The following DOK6 variants were observed in gnomAD, a reference collection of about 807,000 sequenced individuals.
DOK6 encodes the protein downstream of tyrosine kinase 6.
In DOK6, 22 loss-of-function variants were observed where a neutral mutation model predicts 44.0. The ratio of observed to expected loss-of-function variants is 0.50; its 90% CI spans 0.36 to 0.71. The LOEUF (loss-of-function observed/expected upper bound fraction) is 0.71. DOK6 is among the 30% of genes least tolerant of loss of function. The probability of loss-of-function intolerance (pLI) is 0.00; values close to 1 mark genes in which losing one functional copy is unlikely to be tolerated. For missense variants in DOK6, 340 were observed against 416.4 expected, an observed-to-expected ratio of 0.82 and a Z score of 1.60; for synonymous variants, 166 against 145.5, an observed-to-expected ratio of 1.14 and a Z score of -1.01.
At chr18:69,557,247 T>C (rs754599730) in intron 1 of DOK6, among the ~76,000 whole-genome samples, 4 of 152,222 alleles carry the variant, frequency 2.6e-5, no homozygotes, top group Non-Finnish European at 5.9e-5. Flanking sequence ...CTGAAAATTC[T>C]TCCGAGTTTC....
intron 2 of DOK6, among the ~76,000 whole-genome samples, chr18:69,572,609 G>C (rs904453721): frequency 6.6e-6 from 1 of 151,916 alleles, no homozygotes; most frequent in Non-Finnish European, 1.5e-5. Context: ...AGAAAAAGAA[G>C]ATAATTAGCA....
intron 3 of DOK6, among the ~76,000 whole-genome samples, chr18:69,671,849 A>T (rs1403000426): frequency 6.6e-6 from 1 of 152,214 alleles, no homozygotes; most frequent in Admixed American, 6.5e-5. Flanking sequence ...ATTCATTTCC[A>T]TATCCAGGTG....
intron 4 of DOK6, among the ~76,000 whole-genome samples, chr18:69,692,719 C>G (rs749722589): frequency 2.0e-5 from 3 of 152,138 alleles, no homozygotes; most frequent in Non-Finnish European, 4.4e-5. Flanking sequence ...GCCTGTGACT[C>G]TAGTTATGTA....
At chr18:69,568,349 T>C (rs529213613) in intron 2 of DOK6, among the ~76,000 whole-genome samples, 1 of 152,204 alleles carries the variant, frequency 6.6e-6, no homozygotes, top group South Asian at 2.1e-4. Context: ...TCATGCAGGA[T>C]GTTTACCTCG....
chr18:69,429,647 A>C (rs1317302128), intron 1 of DOK6, among the ~76,000 whole-genome samples: 1 of 103,972 alleles, frequency 9.6e-6, no homozygotes, highest in Middle Eastern at 4.8e-3. Context: ...ATATATATAT[A>C]TATATATATA....
At chr18:69,837,285 G>T (rs1283293291) in intron 7 of DOK6, among the ~76,000 whole-genome samples, 2 of 152,142 alleles carry the variant, frequency 1.3e-5, no homozygotes, top group African/African-American at 4.8e-5. Flanking sequence ...TTATCCTGTG[G>T]TGGAAGGCTG....
At chr18:69,714,733 A>G (rs1358178438) in intron 5 of DOK6, among the ~76,000 whole-genome samples, 1 of 152,242 alleles carries the variant, frequency 6.6e-6, no homozygotes, top group Non-Finnish European at 1.5e-5. Flanking sequence ...GAAATTTTGC[A>G]AGGCAATTCA....
intron 2 of DOK6, among the ~76,000 whole-genome samples, chr18:69,576,539 A>G (rs1983243100): frequency 6.6e-6 from 1 of 152,146 alleles, no homozygotes; most frequent in African/African-American, 2.4e-5. Flanking sequence ...TGGAACATAC[A>G]TATTATAAGC....
intron 7 of DOK6, among the ~76,000 whole-genome samples, chr18:69,795,967 C>T (rs1232025590): frequency 6.6e-6 from 1 of 152,170 alleles, no homozygotes; most frequent in Non-Finnish European, 1.5e-5. Context: ...CATCCTGTAA[C>T]AGAGGGCCTG....
At chr18:69,829,447 A>T (rs896752041) in intron 7 of DOK6, among the ~76,000 whole-genome samples, 2 of 152,208 alleles carry the variant, frequency 1.3e-5, no homozygotes, top group African/African-American at 4.8e-5. Context: ...ACAGCTGAGG[A>T]ACTTGAGGGA....
At chr18:69,745,628 AG>A (rs35079116) in intron 6 of DOK6, among the ~76,000 whole-genome samples, 14,900 of 152,240 alleles carry the variant, frequency 0.098, 741 homozygotes, top group Middle Eastern at 0.15. Context: ...GAAACACAGT[AG>A]GATTTCAGAG....
At chr18:69,438,498 T>C (rs1979046027) in intron 1 of DOK6, among the ~76,000 whole-genome samples, 1 of 152,198 alleles carries the variant, frequency 6.6e-6, no homozygotes, top group Non-Finnish European at 1.5e-5. Context: ...AGTCTTGAAC[T>C]CCTCAAAGTC....
At chr18:69,796,065 C>T (rs112185245) in intron 7 of DOK6, among the ~76,000 whole-genome samples, 2 of 152,142 alleles carry the variant, frequency 1.3e-5, no homozygotes, top group Admixed American at 1.3e-4. Context: ...ATCTGGGCAG[C>T]GGCAGTGCAG....
chr18:69,610,194 GA>G (rs1984104631), intron 3 of DOK6, among the ~76,000 whole-genome samples: 11 of 152,004 alleles, frequency 7.2e-5, no homozygotes, highest in Non-Finnish European at 1.6e-4. Context: ...TAAGAAAGGG[GA>G]AAAATGAGTT....
At chr18:69,522,415 G>A (rs1174860257) in intron 1 of DOK6, among the ~76,000 whole-genome samples, 1 of 151,960 alleles carries the variant, frequency 6.6e-6, no homozygotes, top group Non-Finnish European at 1.5e-5. Context: ...AGCTAAGTAA[G>A]ATTATAGACA....
At chr18:69,499,842 A>G (rs969385990) in intron 1 of DOK6, among the ~76,000 whole-genome samples, 4 of 152,190 alleles carry the variant, frequency 2.6e-5, no homozygotes, top group African/African-American at 9.7e-5. Flanking sequence ...TTTCTTGATG[A>G]AAGGCTTAGA....
intron 7 of DOK6, among the ~76,000 whole-genome samples, chr18:69,835,441 G>A (rs974243465): frequency 1.3e-5 from 2 of 151,330 alleles, no homozygotes; most frequent in Non-Finnish European, 2.9e-5. Context: ...CTCCAGCCTG[G>A]GCGACAGAAC....
At chr18:69,505,491 C>CTTTTTT (rs772908185) in intron 1 of DOK6, among the ~76,000 whole-genome samples, 35 of 88,550 alleles carry the variant, frequency 4.0e-4, no homozygotes, top group East Asian at 7.3e-4. Flanking sequence ...TACTCCCATT[C>CTTTTTT]TTTTTTTTTT....
chr18:69,564,258 T>A (rs534061861), intron 1 of DOK6, among the ~76,000 whole-genome samples: 2 of 152,330 alleles, frequency 1.3e-5, no homozygotes, highest in South Asian at 4.1e-4. Flanking sequence ...TAAAGACTAC[T>A]AAAATCAGCC....
Sources: allele counts gnomAD v4.1 joint callset (sites outside exome capture counted in the v4.1 genomes callset), GRCh38; gene constraint gnomAD v4.1.1; transcripts MANE v1.5; gene names NCBI Gene and HGNC (gene_info 2026-07-23, HGNC 2026-07-21).